The following JADE3 variants were observed in gnomAD, a reference collection of about 807,000 sequenced individuals.
The protein encoded by JADE3 is protein Jade-3.
A neutral mutation model predicts 50.1 loss-of-function variants in JADE3; 2 were observed. The observed-to-expected ratio is 0.04, with a 90% confidence interval of 0.02 to 0.13. JADE3 has a LOEUF of 0.13. Ranked by LOEUF, JADE3 falls within the 10% of genes least tolerant of loss-of-function variation. The pLI, the probability that JADE3 is intolerant of heterozygous loss-of-function variation, is 1.00. For missense variants in JADE3, 475 were observed against 634.4 expected (o/e 0.75, Z 2.70); for synonymous variants, 218 against 232.9 (o/e 0.94, Z 0.58).
intron 1 of JADE3, among the ~76,000 whole-genome samples, chrX:46,924,414 G>T (rs1556338456): frequency 1.8e-5 from 2 of 112,285 alleles, no homozygotes; most frequent in Admixed American, 1.9e-4. Context: ...GGGATTGTGG[G>T]ACAGTGGTTT....
At chrX:47,002,886 G>T (rs192674708) in intron 4 of JADE3, among the ~76,000 whole-genome samples, 36 of 111,256 alleles carry the variant, frequency 3.2e-4, no homozygotes, top group Non-Finnish European at 4.2e-4. Context: ...AATCTTAGGC[G>T]GAAGGCTTTC....
At chrX:47,009,562 A>C (rs1409181153) in intron 4 of JADE3, among the ~76,000 whole-genome samples, 1 of 111,149 alleles carries the variant, frequency 9.0e-6, no homozygotes, top group Non-Finnish European at 1.9e-5. Context: ...CAGAAAAACA[A>C]AGATGAGAAC....
At chrX:46,956,579 T>C (rs1927121609) in intron 1 of JADE3, among the ~76,000 whole-genome samples, 1 of 110,059 alleles carries the variant, frequency 9.1e-6, no homozygotes, top group African/African-American at 3.3e-5. Flanking sequence ...CAGGCTGGAG[T>C]GCGGTCGCGC....
chrX:47,030,683 G>A (rs1182561592), intron 6 of JADE3, among the ~76,000 whole-genome samples: 1 of 112,217 alleles, frequency 8.9e-6, no homozygotes, highest in African/African-American at 3.2e-5. Context: ...ATACACTTAT[G>A]TGTACTTTAG....
intron 1 of JADE3, among the ~76,000 whole-genome samples, chrX:46,951,459 C>T (rs1408366335): frequency 1.4e-4 from 15 of 107,147 alleles, no homozygotes; most frequent in African/African-American, 4.0e-4. Flanking sequence ...TGGTGGCATG[C>T]GCCTGTAGTC....
At position 47,004,709 on chromosome X, in the gene JADE3, G is replaced by A. The variant is rs1433846786; in HGVS notation, c.284+6432G>A. 3.6e-5 allele frequency among the ~76,000 whole-genome samples: 4 copies of A among 112,600 alleles called. No homozygotes were observed. In the East Asian group the frequency reaches 8.3e-4, roughly 23 times the overall value. On this transcript the variant is annotated intron_variant, in intron 4 of 10. Coordinates refer to ENST00000614628, the MANE Select transcript of JADE3 (RefSeq NM_014735.5). ...CAGCCTACCAAAATGTTGGGATTAC[G>A]GGCGTGAGCCACTGCACATGGCAAA...
rs1556372856 is a variant in JADE3, at chrX:47,054,248, G to A, written c.1063G>A (p.Glu355Lys). 3.3e-6 allele frequency: 4 copies of A among 1,209,291 alleles called. No homozygotes were observed. Among genetic ancestry groups the A allele is most frequent in the Non-Finnish European group, 4.5e-6 (4 of 894,282 alleles). Residue 355 changes from glutamate (E) to lysine (K), a missense_variant, in exon 9 of 11, where the codon GAA becomes AAA. Around this residue, in one of 6 missense-constraint regions of JADE3, gnomAD observed 81 missense variants for 123.8 expected, o/e 0.65. Transcript: ENST00000614628. ...EMKTILDEGDEVKFKSYCLKH... is the reference protein window; with the variant it reads ...EMKTILDEGDKVKFKSYCLKH... Reference sequence around the variant, plus strand: ...GAAGACCATCCTAGATGAGGGAGACGAAGTGAAGTTCAAGTCATATTGCCT... The same window carrying A: ...GAAGACCATCCTAGATGAGGGAGACAAAGTGAAGTTCAAGTCATATTGCCT...
In JADE3 at chrX:47,048,409, A is replaced by G. The variant is rs933806297; in HGVS notation, c.973-5749A>G. Among the ~76,000 whole-genome samples the G allele has an allele frequency of 2.7e-5, 3 of 112,276 alleles. No individual in the cohort carries two copies. The East Asian group carries it at 8.3e-4, about 31-fold the overall frequency. On this transcript the variant is annotated intron_variant, in intron 8 of 10. Transcript: ENST00000614628. The stretch of plus-strand genomic sequence containing the variant: ...AAACTGCTGCATGAATTTTCATAGC[A>G]CCATTATTTCATAACAGACAAAAAG...
At chrX:46,998,001 A>C in intron 3 of JADE3, 119 bp from the exon 4 acceptor site, 1 of 546,801 alleles carries the variant, frequency 1.8e-6, no homozygotes, top group African/African-American at 2.3e-5. Context: ...TTAGGAAGTT[A>C]GAGATGTTTC....
chrX:46,997,475 G>A (rs893057747), intron 3 of JADE3, among the ~76,000 whole-genome samples: 3 of 112,070 alleles, frequency 2.7e-5, no homozygotes, highest in South Asian at 3.8e-4. Flanking sequence ...CCAAAGTCAC[G>A]CTATCGCACT....
At chrX:46,913,472 C>G (rs1926013015) in intron 1 of JADE3, among the ~76,000 whole-genome samples, 1 of 111,825 alleles carries the variant, frequency 8.9e-6, no homozygotes, top group Admixed American at 9.3e-5. Context: ...GGGAAATTTT[C>G]CCACCGCTGG....
rs781883732 is a variant in JADE3, at chrX:46,925,216, A to G, written c.-12+12497A>G. Among the ~76,000 whole-genome samples the G allele has an allele frequency of 9.8e-5, 11 of 112,510 alleles. No homozygotes were observed. In the East Asian group the frequency reaches 2.8e-3, roughly 28 times the overall value. On this transcript the variant is annotated intron_variant, in intron 1 of 10. Transcript: ENST00000614628. ...TTGTTCTTGACATCCTCCTCCTATC[A>G]CATTCTCCTTCCCAGGGTTAATTTT...
intron 1 of JADE3, among the ~76,000 whole-genome samples, chrX:46,956,849 A>G (rs1556346526): frequency 1.5e-5 from 1 of 67,067 alleles, no homozygotes; most frequent in African/African-American, 6.4e-5. Flanking sequence ...TTTCTTTCTC[A>G]GGGTCTCTGT....
At chrX:46,991,187 C>T (rs1208985865) in intron 3 of JADE3, among the ~76,000 whole-genome samples, 3 of 104,109 alleles carry the variant, frequency 2.9e-5, no homozygotes, top group Admixed American at 1.1e-4. Context: ...TACGTTCAAG[C>T]GATTCTCCTG....
intron 4 of JADE3, among the ~76,000 whole-genome samples, chrX:47,006,866 TTTC>T (rs1556360463): frequency 2.7e-5 from 3 of 111,540 alleles, no homozygotes; most frequent in African/African-American, 9.8e-5. Flanking sequence ...TCTCTTGAAA[TTTC>T]TTCTTTCACC....
intron 1 of JADE3, among the ~76,000 whole-genome samples, chrX:46,975,588 T>C (rs1445980843): frequency 9.0e-6 from 1 of 111,307 alleles, no homozygotes; most frequent in African/African-American, 3.3e-5. Context: ...ATAATATTAA[T>C]GTACCTTAAT....
chrX:47,015,595 AG>A (rs145894233), intron 4 of JADE3, among the ~76,000 whole-genome samples: 214 of 110,096 alleles, frequency 1.9e-3, no homozygotes, highest in Non-Finnish European at 3.2e-3. Flanking sequence ...AAAAAAAAAA[AG>A]GAATTGATCT....
intron 1 of JADE3, among the ~76,000 whole-genome samples, chrX:46,950,304 C>T (rs1926975383): frequency 8.9e-6 from 1 of 112,115 alleles, no homozygotes; most frequent in Admixed American, 9.6e-5. Flanking sequence ...TCACTCCACT[C>T]TTCTCCCCTC....
At chrX:47,032,725 G>A (rs1275318498) in intron 6 of JADE3, among the ~76,000 whole-genome samples, 1 of 111,144 alleles carries the variant, frequency 9.0e-6, no homozygotes, top group Non-Finnish European at 1.9e-5. Flanking sequence ...AAGATAGGAA[G>A]TATGGTGGTG....
Sources: allele counts gnomAD v4.1 joint callset (sites outside exome capture counted in the v4.1 genomes callset), GRCh38; gene constraint gnomAD v4.1.1; regional missense constraint gnomAD v4.1.1; transcripts MANE v1.5; gene names NCBI Gene and HGNC (gene_info 2026-07-23, HGNC 2026-07-21).